PTPRD: variants seen among roughly 807,000 people sequenced by gnomAD.
PTPRD encodes the protein protein tyrosine phosphatase receptor type D, also known as receptor-type tyrosine-protein phosphatase delta.
PTPRD carries 34 observed loss-of-function variants against 214.5 expected under a neutral mutation model. The observed-to-expected ratio is 0.16, with a 90% CI of 0.12 to 0.21. PTPRD has a LOEUF of 0.21. PTPRD is among the 10% of genes least tolerant of loss of function. The pLI is 1.00. For synonymous variants in PTPRD, 1,128 were observed against 845.7 expected (o/e 1.33, Z -5.79); for missense variants, 2,545 against 2,398.7 (o/e 1.06, Z -1.27).
intron 10 of PTPRD, among the ~76,000 whole-genome samples, chr9:9,067,268 T>C (rs905125698): frequency 6.6e-6 from 1 of 152,190 alleles, no homozygotes; most frequent in African/African-American, 2.4e-5. Flanking sequence ...AAAAAACTTG[T>C]CTTAATACTG....
At chr9:8,578,837 A>C (rs2092750119) in intron 14 of PTPRD, among the ~76,000 whole-genome samples, 1 of 152,234 alleles carries the variant, frequency 6.6e-6, no homozygotes, top group Admixed American at 6.5e-5. Context: ...TAAAAAGTAC[A>C]GGAGTTAAAC....
At chr9:9,525,113 T>C (rs1440860215) in intron 8 of PTPRD, among the ~76,000 whole-genome samples, 1 of 152,192 alleles carries the variant, frequency 6.6e-6, no homozygotes, top group African/African-American at 2.4e-5. Context: ...CGCCTCAGCA[T>C]CCCAAAGTGC....
At chr9:10,225,289 T>C (rs1225810146) in intron 3 of PTPRD, among the ~76,000 whole-genome samples, 1 of 152,046 alleles carries the variant, frequency 6.6e-6, no homozygotes, top group Admixed American at 6.6e-5. Context: ...GTTAAGTATA[T>C]TCATAAAGCA....
At chr9:10,127,954 A>G (rs978841448) in intron 3 of PTPRD, among the ~76,000 whole-genome samples, 5 of 152,110 alleles carry the variant, frequency 3.3e-5, no homozygotes, top group African/African-American at 1.2e-4. Flanking sequence ...TCACCAGAAA[A>G]ACTCTGCTTT....
At chr9:9,262,815 A>T (rs1465483060) in intron 9 of PTPRD, among the ~76,000 whole-genome samples, 2 of 151,700 alleles carry the variant, frequency 1.3e-5, no homozygotes, top group Non-Finnish European at 3.0e-5. Flanking sequence ...TGACTTAGAT[A>T]GATACCCTTT....
chr9:10,378,565 G>A lies in PTPRD; in HGVS notation c.-599-37548C>T, dbSNP rs374679427. Among the ~76,000 whole-genome samples, 4 of 151,924 alleles carry A rather than the reference G, an allele frequency of 2.6e-5. No homozygotes were observed. In the South Asian group the frequency reaches 8.3e-4, roughly 31 times the overall value. ...CCCAGTTTTCCAAGAATCATTTATT[G>A]AAGAGACTGTCTTTCCCCTCAGTAT... On this transcript the variant is annotated intron_variant, in intron 2 of 45. Transcript: ENST00000381196.
At chr9:8,419,264 A>G (rs2094183175) in intron 35 of PTPRD, among the ~76,000 whole-genome samples, 6 of 151,594 alleles carry the variant, frequency 4.0e-5, no homozygotes, top group Admixed American at 2.6e-4. Context: ...AAGAAAAACA[A>G]TATTATTAAT....
intron 19 of PTPRD, 128 bp from the exon 20 acceptor site, chr9:8,521,674 C>T (rs1024149450): frequency 9.4e-7 from 1 of 1,063,790 alleles, no homozygotes; most frequent in Non-Finnish European, 1.3e-6. Context: ...AAAAACAAAA[C>T]ATAAAGAAAA....
intron 28 of PTPRD, 90 bp downstream of exon 28, chr9:8,485,672 G>C: frequency 1.8e-6 from 2 of 1,130,754 alleles, no homozygotes; most frequent in Non-Finnish European, 2.5e-6. Context: ...TAATATGAAT[G>C]GGCTGATCAG....
At chr9:10,566,812 A>G (rs1164442237) in intron 2 of PTPRD, among the ~76,000 whole-genome samples, 2 of 152,002 alleles carry the variant, frequency 1.3e-5, no homozygotes, top group Non-Finnish European at 2.9e-5. Flanking sequence ...TAACTTCTTT[A>G]GGTATCTTCC....
intron 39 of PTPRD, among the ~76,000 whole-genome samples, chr9:8,359,328 T>G (rs1276341422): frequency 6.6e-6 from 1 of 151,490 alleles, no homozygotes; most frequent in Non-Finnish European, 1.5e-5. Context: ...TGAATTTTAT[T>G]ATTTCATTAT....
At chr9:9,902,488 T>G (rs1239847359) in intron 5 of PTPRD, among the ~76,000 whole-genome samples, 1 of 152,168 alleles carries the variant, frequency 6.6e-6, no homozygotes, top group African/African-American at 2.4e-5. Flanking sequence ...AAGTCATGTA[T>G]GTTGATTACA....
chr9:10,275,549 A>G (rs1463229475), intron 3 of PTPRD, among the ~76,000 whole-genome samples: 1 of 152,072 alleles, frequency 6.6e-6, no homozygotes, highest in Non-Finnish European at 1.5e-5. Flanking sequence ...GATCATAGAT[A>G]GTGTTATATT....
intron 3 of PTPRD, among the ~76,000 whole-genome samples, chr9:10,232,957 G>A (rs1425975530): frequency 6.6e-6 from 1 of 151,902 alleles, no homozygotes; most frequent in African/African-American, 2.4e-5. Flanking sequence ...TTTATCCACT[G>A]AAAAAGGGAA....
chr9:10,294,598 T>C lies in PTPRD; in HGVS notation c.-545+46365A>G, dbSNP rs78538901. 6.8e-3 allele frequency among the ~76,000 whole-genome samples: 1,028 copies of C among 152,100 alleles called. 7 individuals are homozygous for C. The highest frequency in any genetic ancestry group is 0.023 in the African/African-American group (963 of 41,550). On this transcript the variant is annotated intron_variant, in intron 3 of 45. Transcript: ENST00000381196. ...TGCATACATTTCTCTGGACATTTTC[T>C]TATCTCATTAGAAAATTCTAAATAT...
At chr9:10,049,210 G>A (rs1038061141) in intron 3 of PTPRD, among the ~76,000 whole-genome samples, 1 of 152,070 alleles carries the variant, frequency 6.6e-6, no homozygotes, top group Admixed American at 6.6e-5. Context: ...CAGGCTGGAA[G>A]GGATCCCTGC....
At chr9:10,257,951 G>A (rs560376671) in intron 3 of PTPRD, among the ~76,000 whole-genome samples, 1 of 152,258 alleles carries the variant, frequency 6.6e-6, no homozygotes, top group South Asian at 2.1e-4. Flanking sequence ...GCGGGTGTGT[G>A]TTATGTGCAA....
intron 7 of PTPRD, among the ~76,000 whole-genome samples, chr9:9,687,116 G>A (rs899294705): frequency 2.0e-5 from 3 of 151,630 alleles, no homozygotes; most frequent in African/African-American, 7.3e-5. Flanking sequence ...AGAAGGTGAG[G>A]AGAGTGAGCC....
chr9:9,036,884 A>T (rs924447265), intron 10 of PTPRD, among the ~76,000 whole-genome samples: 1 of 152,180 alleles, frequency 6.6e-6, no homozygotes, highest in Non-Finnish European at 1.5e-5. Flanking sequence ...GAACACATCC[A>T]ACATCAACAA....
Sources: gnomAD v4.1 joint callset for allele counts (sites outside exome capture counted in the v4.1 genomes callset) on GRCh38, gnomAD v4.1.1 for gene constraint, MANE v1.5 for transcripts, NCBI Gene and HGNC (gene_info 2026-07-23, HGNC 2026-07-21) for gene names.